FRMD4A: variants seen among roughly 807,000 people sequenced by gnomAD.
The protein encoded by FRMD4A is FERM domain-containing protein 4A.
FRMD4A carries 29 observed loss-of-function variants against 129.1 expected under a neutral mutation model. The observed-to-expected ratio is 0.22, with a 90% confidence interval of 0.17 to 0.31. The LOEUF is 0.31. Ranked by LOEUF, FRMD4A falls within the 10% of genes least tolerant of loss-of-function variation. The pLI is 1.00. For missense variants in FRMD4A, 1,272 were observed against 1,375.8 expected, an observed-to-expected ratio of 0.92 and a Z score of 1.19; for synonymous variants, 634 against 571.6, an observed-to-expected ratio of 1.11 and a Z score of -1.56.
chr10:14,099,486 C>G (rs1837185482), intron 2 of FRMD4A, among the ~76,000 whole-genome samples: 1 of 152,230 alleles, frequency 6.6e-6, no homozygotes, highest in African/African-American at 2.4e-5. Flanking sequence ...AGAACCCCTG[C>G]CTATGTCCAA....
intron 12 of FRMD4A, among the ~76,000 whole-genome samples, chr10:13,731,629 ACAAGAG>A (rs1302318630): frequency 6.1e-5 from 9 of 147,590 alleles, no homozygotes; most frequent in African/African-American, 2.3e-4. Context: ...AGCCTGGGCA[ACAAGAG>A]CAAGACTTCA....
At chr10:13,869,226 A>G (rs1188439813) in intron 2 of FRMD4A, among the ~76,000 whole-genome samples, 1 of 152,210 alleles carries the variant, frequency 6.6e-6, no homozygotes, top group East Asian at 1.9e-4. Flanking sequence ...GTCAGAAAAC[A>G]TTAATAATCA....
chr10:14,190,067 A>G (rs1842270088), intron 2 of FRMD4A, among the ~76,000 whole-genome samples: 1 of 152,220 alleles, frequency 6.6e-6, no homozygotes, highest in Non-Finnish European at 1.5e-5. Flanking sequence ...AATATATTTG[A>G]CAAAACTTGT....
chr10:13,877,031 A>G (rs2610805), intron 2 of FRMD4A, among the ~76,000 whole-genome samples: 144,267 of 152,198 alleles, frequency 0.95, 68,399 homozygotes, highest in East Asian at 0.98. Flanking sequence ...GCCCTCAGTG[A>G]TGGGTGAAGC....
intron 2 of FRMD4A, among the ~76,000 whole-genome samples, chr10:14,266,890 C>T (rs1325041620): frequency 6.6e-6 from 1 of 152,160 alleles, no homozygotes; most frequent in Non-Finnish European, 1.5e-5. Flanking sequence ...TGACTTATAA[C>T]ATTGAGCTAG....
intron 12 of FRMD4A, among the ~76,000 whole-genome samples, chr10:13,710,236 T>A (rs967331738): frequency 5.3e-5 from 8 of 152,174 alleles, no homozygotes; most frequent in African/African-American, 1.9e-4. Context: ...CCTGTGCCTT[T>A]CATGGGAAGC....
intron 2 of FRMD4A, among the ~76,000 whole-genome samples, chr10:13,874,567 G>T (rs1351862488): frequency 1.3e-5 from 2 of 151,976 alleles, no homozygotes; most frequent in African/African-American, 2.4e-5. Flanking sequence ...ATTTCAGGAA[G>T]GTATTGTAAC....
At chr10:13,759,357 T>C (rs1403239388) in intron 8 of FRMD4A, among the ~76,000 whole-genome samples, 1 of 152,220 alleles carries the variant, frequency 6.6e-6, no homozygotes, top group African/African-American at 2.4e-5. Context: ...TGAATTACTG[T>C]GGAGGCCAAG....
chr10:14,045,607 A>G (rs1463147629), intron 2 of FRMD4A, among the ~76,000 whole-genome samples: 1 of 148,288 alleles, frequency 6.7e-6, no homozygotes. Flanking sequence ...ATATATTACT[A>G]TAATTATGTA....
intron 2 of FRMD4A, among the ~76,000 whole-genome samples, chr10:13,977,344 T>G (rs533716393): frequency 6.6e-5 from 10 of 152,232 alleles, no homozygotes; most frequent in Non-Finnish European, 1.3e-4. Flanking sequence ...TTAAATTTAC[T>G]GCAAATTTCT....
intron 2 of FRMD4A, among the ~76,000 whole-genome samples, chr10:14,141,777 G>C (rs892492850): frequency 1.8e-4 from 28 of 152,052 alleles, no homozygotes; most frequent in African/African-American, 6.5e-4. Context: ...CTCACCATGC[G>C]GTCTTTCTGA....
chr10:14,297,504 C>T (rs1430233531), intron 2 of FRMD4A, among the ~76,000 whole-genome samples: 1 of 152,088 alleles, frequency 6.6e-6, no homozygotes, highest in Non-Finnish European at 1.5e-5. Flanking sequence ...CAGAATCACT[C>T]CAGGAAACTT....
At chr10:13,937,257 G>A (rs1053143893) in intron 2 of FRMD4A, among the ~76,000 whole-genome samples, 4 of 152,294 alleles carry the variant, frequency 2.6e-5, no homozygotes, top group African/African-American at 9.6e-5. Flanking sequence ...GGTGGTGAAG[G>A]ATCTCACTCT....
chr10:14,017,929 C>T (rs556779662), intron 2 of FRMD4A, among the ~76,000 whole-genome samples: 2 of 152,272 alleles, frequency 1.3e-5, no homozygotes, highest in African/African-American at 4.8e-5. Flanking sequence ...TAAATCAAAA[C>T]ACCAAAGTGC....
At chr10:13,731,759 G>C (rs1191333976) in intron 12 of FRMD4A, among the ~76,000 whole-genome samples, 1 of 152,088 alleles carries the variant, frequency 6.6e-6, no homozygotes, top group Non-Finnish European at 1.5e-5. Flanking sequence ...ATATTCTGGG[G>C]GAGGTGCATG....
At chr10:14,105,315 C>G (rs1837530312) in intron 2 of FRMD4A, among the ~76,000 whole-genome samples, 1 of 152,130 alleles carries the variant, frequency 6.6e-6, no homozygotes, top group African/African-American at 2.4e-5. Flanking sequence ...CCTGTAATCC[C>G]AGCACTTTGG....
intron 2 of FRMD4A, among the ~76,000 whole-genome samples, chr10:14,256,245 C>A (rs567656790): frequency 5.3e-4 from 80 of 151,726 alleles, no homozygotes; most frequent in African/African-American, 1.9e-3. Context: ...AATAGAAACC[C>A]AGATGATGAA....
chr10:14,304,737 T>C (rs916484668), intron 2 of FRMD4A, among the ~76,000 whole-genome samples: 1 of 152,174 alleles, frequency 6.6e-6, no homozygotes, highest in Admixed American at 6.5e-5. Context: ...GGCCAGGCAG[T>C]GGGAGAACTT....
Position 13,654,720 on chromosome 10 carries a change from TC to T in FRMD4A, c.2954-209del, listed in dbSNP as rs1205937463. ...TCTACATGCCCCCCCAACCTCTGCA[TC>T]CCACCCATTCCATTTTCTACCCACT... On this transcript the variant is annotated intron_variant, in intron 22 of 24. Coordinates refer to ENST00000357447, the MANE Select transcript of FRMD4A (RefSeq NM_018027.5). 30 of 571,496 alleles carry T rather than the reference TC, an allele frequency of 5.2e-5. No individual in the cohort carries two copies. In the South Asian group the frequency reaches 6.4e-4, roughly 12 times the overall value. The allele number at this position is 571,496 out of a possible 1,614,324, so 35.4% of individuals were successfully genotyped here.
Sources: allele counts gnomAD v4.1 joint callset (sites outside exome capture counted in the v4.1 genomes callset), GRCh38; gene constraint gnomAD v4.1.1; transcripts MANE v1.5; gene names NCBI Gene and HGNC (gene_info 2026-07-23, HGNC 2026-07-21).